The following TMTC2 variants were observed in gnomAD, a reference collection of about 807,000 sequenced individuals.
The protein encoded by TMTC2 is protein O-mannosyl-transferase TMTC2.
Under a neutral mutation model 82.4 loss-of-function variants are expected in TMTC2, and 43 were observed. The ratio of observed to expected loss-of-function variants is 0.52; its 90% CI spans 0.41 to 0.67. The LOEUF (loss-of-function observed/expected upper bound fraction) is 0.67, where lower values mean the gene tolerates loss of function less well. TMTC2 is among the 30% of genes least tolerant of loss of function. The pLI is 0.00. For missense variants in TMTC2, 919 were observed against 1,012.4 expected, an observed-to-expected ratio of 0.91 and a Z score of 1.25; for synonymous variants, 408 against 381.9, an observed-to-expected ratio of 1.07 and a Z score of -0.80.
chr12:82,700,936 GAGAGTAT>G (rs1873047163), intron 1 of TMTC2, among the ~76,000 whole-genome samples: 1 of 152,172 alleles, frequency 6.6e-6, no homozygotes, highest in Non-Finnish European at 1.5e-5. Flanking sequence ...AGGCAGGCAA[GAGAGTAT>G]GTGCAGGGGA....
chr12:82,935,887 A>G (rs942136722), intron 4 of TMTC2, among the ~76,000 whole-genome samples: 2 of 152,120 alleles, frequency 1.3e-5, no homozygotes, highest in African/African-American at 2.4e-5. Context: ...GAGCAAGAAA[A>G]TAAACTAAAA....
At chr12:82,932,693 G>T (rs17010168) in intron 4 of TMTC2, among the ~76,000 whole-genome samples, 2 of 151,892 alleles carry the variant, frequency 1.3e-5, no homozygotes, top group African/African-American at 4.8e-5. Flanking sequence ...TTGCAGTATG[G>T]GATATTACTT....
intron 3 of TMTC2, among the ~76,000 whole-genome samples, chr12:82,909,008 T>G (rs531296101): frequency 6.6e-6 from 1 of 152,336 alleles, no homozygotes; most frequent in African/African-American, 2.4e-5. Flanking sequence ...AGGCAACAGA[T>G]GTAGTATTGC....
At chr12:83,081,210 A>G (rs1409643883) in intron 11 of TMTC2, among the ~76,000 whole-genome samples, 1 of 152,234 alleles carries the variant, frequency 6.6e-6, no homozygotes, top group Non-Finnish European at 1.5e-5. Flanking sequence ...TTCAAAGACT[A>G]TTTAGGAACT....
At chr12:82,885,114 G>C (rs1216309670) in intron 2 of TMTC2, among the ~76,000 whole-genome samples, 2 of 151,146 alleles carry the variant, frequency 1.3e-5, no homozygotes, top group Non-Finnish European at 2.9e-5. Flanking sequence ...TGTTGCCCAG[G>C]GTGGTCTCGA....
At chr12:82,909,736 G>T (rs1874532695) in intron 3 of TMTC2, among the ~76,000 whole-genome samples, 1 of 152,060 alleles carries the variant, frequency 6.6e-6, no homozygotes, top group Non-Finnish European at 1.5e-5. Flanking sequence ...ATTTTTATTG[G>T]TTCTGTACAA....
chr12:82,953,611 A>G (rs1877463004), intron 4 of TMTC2, among the ~76,000 whole-genome samples: 1 of 152,156 alleles, frequency 6.6e-6, no homozygotes, highest in African/African-American at 2.4e-5. Context: ...AATTCTTGGG[A>G]AAAAAGTGAG....
At chr12:82,943,668 A>T (rs1442480604) in intron 4 of TMTC2, among the ~76,000 whole-genome samples, 2 of 152,222 alleles carry the variant, frequency 1.3e-5, no homozygotes, top group African/African-American at 4.8e-5. Context: ...TTTTCACATA[A>T]TTCTGAGAAA....
chr12:82,728,377 G>C (rs1409245256), intron 1 of TMTC2, among the ~76,000 whole-genome samples: 2 of 150,818 alleles, frequency 1.3e-5, no homozygotes, highest in Non-Finnish European at 1.5e-5. Context: ...TTGTTTAATT[G>C]ATCTTTCTCA....
At chr12:82,861,338 T>A (rs966728196) in intron 2 of TMTC2, among the ~76,000 whole-genome samples, 2 of 152,208 alleles carry the variant, frequency 1.3e-5, no homozygotes, top group Non-Finnish European at 2.9e-5. Flanking sequence ...GATGTAGTGA[T>A]CAGACCAAAG....
intron 1 of TMTC2, among the ~76,000 whole-genome samples, chr12:82,808,737 T>A (rs764731969): frequency 7.4e-4 from 113 of 152,042 alleles, no homozygotes; most frequent in Non-Finnish European, 1.4e-3. Context: ...AGAATTACAG[T>A]TTAAGTGATA....
chr12:83,058,603 C>G (rs1456680036), intron 10 of TMTC2, among the ~76,000 whole-genome samples: 1 of 151,804 alleles, frequency 6.6e-6, no homozygotes, highest in East Asian at 1.9e-4. Flanking sequence ...AGATATGTGA[C>G]ATAACAATGT....
At chr12:82,887,360 A>C (rs1390184974) in intron 2 of TMTC2, among the ~76,000 whole-genome samples, 2 of 151,996 alleles carry the variant, frequency 1.3e-5, no homozygotes, top group African/African-American at 4.8e-5. Context: ...ATTTTACTTC[A>C]CTCTTATTTT....
chr12:83,014,175 A>ATTG (rs1378100892), intron 8 of TMTC2, among the ~76,000 whole-genome samples: 1 of 152,002 alleles, frequency 6.6e-6, no homozygotes, highest in Admixed American at 6.6e-5. Context: ...TTTTATTATT[A>ATTG]TTTTTGAGAC....
chr12:82,788,408 A>C (rs1361546547), intron 1 of TMTC2, among the ~76,000 whole-genome samples: 1 of 152,062 alleles, frequency 6.6e-6, no homozygotes, highest in Non-Finnish European at 1.5e-5. Flanking sequence ...AAATTGACTG[A>C]ATTTTCATGG....
chr12:82,714,861 T>C (rs1873817790), intron 1 of TMTC2, among the ~76,000 whole-genome samples: 3 of 152,230 alleles, frequency 2.0e-5, no homozygotes, highest in Admixed American at 6.5e-5. Context: ...TTTTGGCTCA[T>C]GGGACTTGAA....
intron 1 of TMTC2, among the ~76,000 whole-genome samples, chr12:82,799,657 A>T (rs543907658): frequency 1.3e-5 from 2 of 152,256 alleles, no homozygotes; most frequent in South Asian, 4.1e-4. Context: ...CATCTCTGGC[A>T]TTCCTTGCCT....
intron 7 of TMTC2, among the ~76,000 whole-genome samples, chr12:82,981,030 C>G (rs1228823732): frequency 2.6e-5 from 4 of 151,866 alleles, no homozygotes; most frequent in Non-Finnish European, 5.9e-5. Flanking sequence ...AAATGATAAT[C>G]TACTTAACCT....
chr12:83,059,380 A>C (rs1340301238), intron 10 of TMTC2, among the ~76,000 whole-genome samples: 1 of 151,836 alleles, frequency 6.6e-6, no homozygotes, highest in Non-Finnish European at 1.5e-5. Context: ...CTAGAGAATA[A>C]AATGAGGATA....
Sources: allele counts gnomAD v4.1 joint callset (sites outside exome capture counted in the v4.1 genomes callset), GRCh38; gene constraint gnomAD v4.1.1; transcripts MANE v1.5; gene names NCBI Gene and HGNC (gene_info 2026-07-23, HGNC 2026-07-21).